Variants in FHIT observed in about 807,000 individuals in gnomAD.
FHIT encodes bis(5'-adenosyl)-triphosphatase.
FHIT carries 19 observed loss-of-function variants against 17.9 expected under a neutral mutation model. The observed-to-expected ratio is 1.06, with a 90% CI of 0.74 to 1.56. The LOEUF is 1.56. FHIT is among the 40% of genes most tolerant of loss of function. The probability of loss-of-function intolerance (pLI) is 0.00; values close to 1 mark genes in which losing one functional copy is unlikely to be tolerated. For synonymous variants in FHIT, 81 were observed against 69.7 expected (o/e 1.16, Z -0.81); for missense variants, 248 against 189.2 (o/e 1.31, Z -1.82).
intron 2 of FHIT, among the ~76,000 whole-genome samples, chr3:61,133,779 G>A (rs989722360): frequency 6.6e-6 from 1 of 151,978 alleles, no homozygotes; most frequent in Non-Finnish European, 1.5e-5. Flanking sequence ...ACCATGAGAG[G>A]GTTGTATTTT....
chr3:61,202,495 GT>G (rs1387058094), intron 1 of FHIT, among the ~76,000 whole-genome samples: 1 of 138,774 alleles, frequency 7.2e-6, no homozygotes, highest in Non-Finnish European at 1.6e-5. Context: ...TGACATTAAA[GT>G]TTACTTTTTC....
At chr3:60,836,142 G>A (rs1007590014) in intron 3 of FHIT, among the ~76,000 whole-genome samples, 34 of 152,198 alleles carry the variant, frequency 2.2e-4, no homozygotes, top group Admixed American at 1.8e-3. Context: ...ACTCCATTTC[G>A]TCGTGGTATA....
At position 59,802,175 on chromosome 3, in the gene FHIT, TAA is replaced by T. The variant is rs34222977; in HGVS notation, c.349-49856_349-49855del. Among the ~76,000 whole-genome samples the T allele has an allele frequency of 2.5e-3, 368 of 150,014 alleles. 2 individuals carry two copies. The highest frequency in any genetic ancestry group is 3.5e-3 in the Middle Eastern group (1 of 288). ...ATTTAAAAAATAATTAGACTTGTAT[TAA>T]AAAAAAAAAATGTGTACCTAGTGGC... On this transcript the variant is annotated intron_variant, in intron 8 of 9. Coordinates refer to ENST00000492590, the MANE Select transcript of FHIT (RefSeq NM_002012.4).
At chr3:60,926,601 T>A (rs557302966) in intron 3 of FHIT, among the ~76,000 whole-genome samples, 1 of 151,836 alleles carries the variant, frequency 6.6e-6, no homozygotes, top group Non-Finnish European at 1.5e-5. Context: ...ACAAGAGAAA[T>A]CAGGAAAGAT....
intron 3 of FHIT, among the ~76,000 whole-genome samples, chr3:60,894,167 A>G (rs1190823618): frequency 6.6e-6 from 1 of 152,236 alleles, no homozygotes; most frequent in Non-Finnish European, 1.5e-5. Context: ...AAGATGGGAA[A>G]GGATGACATT....
intron 5 of FHIT, among the ~76,000 whole-genome samples, chr3:60,288,868 G>A (rs6802911): frequency 0.04 from 6,162 of 152,182 alleles, 154 homozygotes; most frequent in Middle Eastern, 0.078. Flanking sequence ...AAGCACAAAT[G>A]TTTTGGGATA....
intron 3 of FHIT, among the ~76,000 whole-genome samples, chr3:60,969,725 A>T (rs1206330580): frequency 6.6e-6 from 1 of 152,208 alleles, no homozygotes; most frequent in Non-Finnish European, 1.5e-5. Flanking sequence ...ACATTTGTTC[A>T]GAAGTGCTTA....
intron 2 of FHIT, among the ~76,000 whole-genome samples, chr3:61,119,245 G>A (rs1464803593): frequency 6.6e-6 from 1 of 151,772 alleles, no homozygotes; most frequent in Non-Finnish European, 1.5e-5. Flanking sequence ...TCGAGATGGA[G>A]TCTAGCTCTG....
intron 5 of FHIT, among the ~76,000 whole-genome samples, chr3:60,397,382 G>A (rs949164793): frequency 6.6e-6 from 1 of 152,096 alleles, no homozygotes; most frequent in Non-Finnish European, 1.5e-5. Context: ...TGGGAAGAAG[G>A]AGTCTTAGGC....
intron 5 of FHIT, among the ~76,000 whole-genome samples, chr3:60,273,603 C>T (rs948061479): frequency 2.6e-5 from 4 of 151,824 alleles, no homozygotes; most frequent in Non-Finnish European, 4.4e-5. Flanking sequence ...TGCAAGACTC[C>T]GTCGTCTCAA....
intron 2 of FHIT, among the ~76,000 whole-genome samples, chr3:61,185,642 T>A (rs995752342): frequency 6.6e-6 from 1 of 152,096 alleles, no homozygotes; most frequent in African/African-American, 2.4e-5. Flanking sequence ...CAGCAGGAGA[T>A]GAGGATGCAG....
chr3:59,909,302 G>T (rs1160503559), intron 8 of FHIT, among the ~76,000 whole-genome samples: 1 of 151,684 alleles, frequency 6.6e-6, no homozygotes, highest in African/African-American at 2.4e-5. Flanking sequence ...AAAGGGCTGG[G>T]ATTACTCGCA....
intron 5 of FHIT, among the ~76,000 whole-genome samples, chr3:60,372,281 T>C (rs549699543): frequency 6.6e-6 from 1 of 152,290 alleles, no homozygotes; most frequent in African/African-American, 2.4e-5. Flanking sequence ...ACCTTCCAAA[T>C]TTACCTGAGC....
chr3:60,576,474 A>G (rs1553657645), intron 4 of FHIT, among the ~76,000 whole-genome samples: 1 of 152,084 alleles, frequency 6.6e-6, no homozygotes, highest in African/African-American at 2.4e-5. Context: ...TAATGATAAA[A>G]CAGTTTCTTT....
At chr3:59,954,174 A>T (rs1575758719) in intron 7 of FHIT, among the ~76,000 whole-genome samples, 1 of 151,568 alleles carries the variant, frequency 6.6e-6, no homozygotes, top group Admixed American at 6.6e-5. Flanking sequence ...TACAGCCACA[A>T]TAATCATGTA....
chr3:60,439,579 T>C (rs937420767), intron 5 of FHIT, among the ~76,000 whole-genome samples: 3 of 152,088 alleles, frequency 2.0e-5, no homozygotes, highest in Non-Finnish European at 4.4e-5. Flanking sequence ...CAGTGATTCC[T>C]GGTCTCAGTC....
chr3:60,309,075 T>C (rs1047751250), intron 5 of FHIT, among the ~76,000 whole-genome samples: 5 of 152,152 alleles, frequency 3.3e-5, no homozygotes, highest in African/African-American at 9.7e-5. Context: ...AGAGTGATAA[T>C]TGACAGTTGT....
chr3:61,114,202 G>A (rs1349351703), intron 2 of FHIT, among the ~76,000 whole-genome samples: 2 of 152,060 alleles, frequency 1.3e-5, no homozygotes, highest in Non-Finnish European at 2.9e-5. Flanking sequence ...AGGACCCAAG[G>A]GATGTTGGCC....
chr3:60,416,164 TAAATA>T (rs1702241873), intron 5 of FHIT, among the ~76,000 whole-genome samples: 1 of 151,786 alleles, frequency 6.6e-6, no homozygotes, highest in Admixed American at 6.6e-5. Flanking sequence ...AATAATTAAA[TAAATA>T]AATCAGCAAA....
Sources: gnomAD v4.1 joint callset for allele counts (sites outside exome capture counted in the v4.1 genomes callset) on GRCh38, gnomAD v4.1.1 for gene constraint, MANE v1.5 for transcripts, NCBI Gene and HGNC (gene_info 2026-07-23, HGNC 2026-07-21) for gene names.